Variants in ZBTB44 observed in about 807,000 individuals in gnomAD.
ZBTB44 encodes zinc finger and BTB domain containing 44, also known as zinc finger and BTB domain-containing protein 44.
ZBTB44 carries 15 observed loss-of-function variants against 54.0 expected under a neutral mutation model. The ratio of observed to expected loss-of-function variants is 0.28; its 90% confidence interval spans 0.19 to 0.43. ZBTB44 has a LOEUF of 0.43. Among genes scored for constraint, ZBTB44 ranks in the 20% least tolerant of loss-of-function variants. The pLI, the probability that ZBTB44 is intolerant of heterozygous loss-of-function variation, is 1.00. For missense variants in ZBTB44, 487 were observed against 707.1 expected, an observed-to-expected ratio of 0.69 and a Z score of 3.53; for synonymous variants, 230 against 250.1, an observed-to-expected ratio of 0.92 and a Z score of 0.76.
chr11:130,297,470 T>C (rs745596863), intron 1 of ZBTB44, among the ~76,000 whole-genome samples: 1 of 152,078 alleles, frequency 6.6e-6, no homozygotes, highest in African/African-American at 2.4e-5. Flanking sequence ...TGGTATGGGG[T>C]TGAATTGGGT....
intron 3 of ZBTB44, chr11:130,239,044 T>C (rs974880660): frequency 6.4e-6 from 1 of 156,174 alleles, no homozygotes; most frequent in African/African-American, 2.4e-5. Context: ...AGGCAAAAGA[T>C]GGTGGTGACT....
At chr11:130,308,933 A>G (rs1228320401) in intron 1 of ZBTB44, among the ~76,000 whole-genome samples, 1 of 152,224 alleles carries the variant, frequency 6.6e-6, no homozygotes, top group African/African-American at 2.4e-5. Flanking sequence ...CAGCAAAAAG[A>G]AAAAGCAGAT....
intron 5 of ZBTB44, among the ~76,000 whole-genome samples, chr11:130,235,266 G>A (rs1954059750): frequency 6.6e-6 from 1 of 152,140 alleles, no homozygotes; most frequent in Non-Finnish European, 1.5e-5. Context: ...TCATTCAGGT[G>A]TTAGAGAAGA....
intron 1 of ZBTB44, among the ~76,000 whole-genome samples, chr11:130,300,701 T>C (rs376700772): frequency 2.6e-5 from 4 of 152,094 alleles, no homozygotes; most frequent in East Asian, 3.9e-4. Context: ...TCAAATAAGA[T>C]AGAAACCAAA....
Position 130,227,453 on chromosome 11 carries a change from C to T in ZBTB44, c.*4311G>A, listed in dbSNP as rs1376611322. 1.3e-5 allele frequency: 2 copies of T among 152,154 alleles called. No homozygotes were observed. Among genetic ancestry groups the T allele is most frequent in the African/African-American group, 4.8e-5 (2 of 41,400 alleles). The allele number at this position is 152,154 out of a possible 1,614,324, so 9.4% of individuals were successfully genotyped here. A position where few individuals can be genotyped will look rare whatever the true frequency, so the allele number is the denominator to read the frequency against. On this transcript the variant is annotated 3_prime_UTR_variant, in exon 8 of 8. Coordinates refer to ENST00000357899, the MANE Select transcript of ZBTB44 (RefSeq NM_001301098.2). ...AATTCACATTTTCTCCCCTGCATCA[C>T]CTTCCCTTGAGAGTTTCACAAAATG... is the stretch of plus-strand genomic sequence containing the variant.
chr11:130,269,247 C>CTA (rs1565665433), intron 1 of ZBTB44, among the ~76,000 whole-genome samples: 1 of 152,078 alleles, frequency 6.6e-6, no homozygotes, highest in East Asian at 1.9e-4. Context: ...CGAGATCACA[C>CTA]TATTGCACTC....
chr11:130,260,832 A>G, intron 2 of ZBTB44, 24 bp downstream of exon 2: 1 of 1,563,714 alleles, frequency 6.4e-7, no homozygotes, highest in Non-Finnish European at 8.6e-7. Context: ...TATAGCACCA[A>G]GAAAAACACA....
At chr11:130,292,059 AT>A (rs1941329232) in intron 1 of ZBTB44, among the ~76,000 whole-genome samples, 1 of 152,162 alleles carries the variant, frequency 6.6e-6, no homozygotes, top group South Asian at 2.1e-4. Context: ...CATGGACATA[AT>A]TATTCTGAGA....
At position 130,234,951 on chromosome 11, in the gene ZBTB44, AG is replaced by A. The variant is rs148749727; in HGVS notation, c.1569-679del. 1.2e-3 allele frequency among the ~76,000 whole-genome samples: 177 copies of A among 152,338 alleles called. 1 individual carries two copies. The highest frequency in any genetic ancestry group is 4.1e-3 in the African/African-American group (171 of 41,590). On this transcript the variant is annotated intron_variant, in intron 5 of 7. Coordinates refer to ENST00000357899, the MANE Select transcript of ZBTB44 (RefSeq NM_001301098.2). ...CTAAAAACAGTGGCTACTTTCCTTA[AG>A]TGATGAAATAGAAAATATTTTAAAT...
At chr11:130,234,858 G>A (rs540139751) in intron 5 of ZBTB44, among the ~76,000 whole-genome samples, 94 of 152,242 alleles carry the variant, frequency 6.2e-4, no homozygotes, top group African/African-American at 2.2e-3. Context: ...CTTGAGATTG[G>A]TTATGTGATA....
intron 1 of ZBTB44, among the ~76,000 whole-genome samples, chr11:130,264,884 T>G (rs1939141078): frequency 6.6e-6 from 1 of 152,232 alleles, no homozygotes; most frequent in Non-Finnish European, 1.5e-5. Context: ...GGTGCCACTT[T>G]CCACCAGCTT....
chr11:130,308,083 T>C (rs1942378162), intron 1 of ZBTB44, among the ~76,000 whole-genome samples: 2 of 152,222 alleles, frequency 1.3e-5, no homozygotes, highest in South Asian at 4.1e-4. Context: ...TAGATATACA[T>C]ATACTTTCCA....
At chr11:130,308,327 G>T (rs968027902) in intron 1 of ZBTB44, among the ~76,000 whole-genome samples, 4 of 152,186 alleles carry the variant, frequency 2.6e-5, no homozygotes, top group African/African-American at 9.7e-5. Flanking sequence ...ATGTAGTTCC[G>T]TATTCATGGT....
At chr11:130,287,788 C>A (rs1026174064) in intron 1 of ZBTB44, among the ~76,000 whole-genome samples, 1 of 151,906 alleles carries the variant, frequency 6.6e-6, no homozygotes, top group Admixed American at 6.6e-5. Context: ...GAATCTCAGG[C>A]CTCTTTACAC....
In ZBTB44 at chr11:130,254,631, T is replaced by C. The variant is rs916576284; in HGVS notation, c.1018+6225A>G. 2.8e-3 allele frequency among the ~76,000 whole-genome samples: 430 copies of C among 152,228 alleles called. 1 individual carries two copies. Among genetic ancestry groups the C allele is most frequent in the Non-Finnish European group, 4.4e-3 (297 of 67,998 alleles). ...AACACTTTTACACTGTTGGTGGGAC[T>C]GTAAACTGGTTCAACCATTGTGGAA... is the stretch of plus-strand genomic sequence containing the variant. On this transcript the variant is annotated intron_variant, in intron 2 of 7. Transcript: ENST00000357899.
At chr11:130,246,352 T>C (rs1231392200) in intron 2 of ZBTB44, among the ~76,000 whole-genome samples, 2 of 151,892 alleles carry the variant, frequency 1.3e-5, no homozygotes, top group Non-Finnish European at 2.9e-5. Context: ...GTGATGTTTC[T>C]TAAATTATTA....
intron 1 of ZBTB44, among the ~76,000 whole-genome samples, chr11:130,293,269 C>A (rs901188636): frequency 6.0e-5 from 9 of 150,164 alleles, no homozygotes; most frequent in African/African-American, 2.2e-4. Context: ...CAAGACCAGC[C>A]TGGGCAACAC....
chr11:130,256,620 A>G (rs1013510432), intron 2 of ZBTB44, among the ~76,000 whole-genome samples: 2 of 150,244 alleles, frequency 1.3e-5, no homozygotes, highest in Non-Finnish European at 3.0e-5. Context: ...ACACCACTGC[A>G]CTCCAGCCTG....
intron 1 of ZBTB44, among the ~76,000 whole-genome samples, chr11:130,308,252 G>A (rs1022812950): frequency 5.3e-5 from 8 of 152,106 alleles, no homozygotes; most frequent in African/African-American, 1.2e-4. Flanking sequence ...TGACACAATC[G>A]CCTAACGACG....
Sources: allele counts gnomAD v4.1 joint callset (sites outside exome capture counted in the v4.1 genomes callset), GRCh38; gene constraint gnomAD v4.1.1; transcripts MANE v1.5; gene names NCBI Gene and HGNC (gene_info 2026-07-23, HGNC 2026-07-21).